The following SNAP91 variants were observed in gnomAD, a reference collection of about 807,000 sequenced individuals.
SNAP91 encodes the protein clathrin coat assembly protein AP180.
Under a neutral mutation model 100.3 loss-of-function variants are expected in SNAP91, and 27 were observed. The observed-to-expected ratio is 0.27, with a 90% CI of 0.20 to 0.37. The LOEUF is 0.37. SNAP91 is among the 10% of genes least tolerant of loss of function. SNAP91 has a pLI of 1.00. For missense variants in SNAP91, 986 were observed against 1,123.7 expected, an observed-to-expected ratio of 0.88 and a Z score of 1.75; for synonymous variants, 404 against 398.6, an observed-to-expected ratio of 1.01 and a Z score of -0.16.
chr6:83,681,103 A>G (rs533857157), intron 2 of SNAP91, among the ~76,000 whole-genome samples: 1 of 152,192 alleles, frequency 6.6e-6, no homozygotes, highest in South Asian at 2.1e-4. Flanking sequence ...TGAAGGGGTT[A>G]TGATTCAAAA....
intron 8 of SNAP91, among the ~76,000 whole-genome samples, chr6:83,627,628 T>G (rs1248337556): frequency 2.0e-5 from 3 of 152,058 alleles, no homozygotes; most frequent in Admixed American, 2.0e-4. Context: ...GATTTCTACT[T>G]TGTGTTCATA....
intron 24 of SNAP91, among the ~76,000 whole-genome samples, chr6:83,578,471 C>T (rs1822986552): frequency 6.6e-6 from 1 of 152,076 alleles, no homozygotes; most frequent in South Asian, 2.1e-4. Context: ...TAATGGTGAG[C>T]ATCTTTTCAT....
intron 8 of SNAP91, among the ~76,000 whole-genome samples, chr6:83,624,352 A>G (rs1338492448): frequency 6.6e-6 from 1 of 152,180 alleles, no homozygotes; most frequent in East Asian, 1.9e-4. Flanking sequence ...TTATATAAAT[A>G]ATGAAATTGA....
At chr6:83,645,423 A>G (rs1348992221) in intron 7 of SNAP91, among the ~76,000 whole-genome samples, 2 of 152,166 alleles carry the variant, frequency 1.3e-5, no homozygotes, top group Non-Finnish European at 2.9e-5. Flanking sequence ...ACCTACATTG[A>G]ACATCATTAT....
intron 22 of SNAP91, among the ~76,000 whole-genome samples, chr6:83,589,042 A>C (rs1273118511): frequency 6.6e-6 from 1 of 152,204 alleles, no homozygotes; most frequent in Non-Finnish European, 1.5e-5. Flanking sequence ...TTTTAATCTT[A>C]ATTATAACTT....
In SNAP91 at chr6:83,553,940, T is replaced by C. The variant is rs1774064763; in HGVS notation, c.*356A>G. On this transcript the variant is annotated 3_prime_UTR_variant, in exon 30 of 30. Coordinates refer to ENST00000369694, the MANE Select transcript of SNAP91 (RefSeq NM_001242792.2). ...CAAAAGTTATATGTACATTGAAACC[T>C]TCAAAAACACAGACGTCTTTCCAAA... 1 of 152,414 alleles carries C rather than the reference T, an allele frequency of 6.6e-6. No individual in the cohort carries two copies. The highest frequency in any genetic ancestry group is 1.5e-5 in the Non-Finnish European group (1 of 68,124). 9.4% of individuals were successfully genotyped at this position (152,414 alleles called of 1,614,324 possible). A position where few individuals can be genotyped will look rare whatever the true frequency, so the allele number is the denominator to read the frequency against.
rs1368439371 is a variant in SNAP91, at chr6:83,580,533, G to A, written c.2216C>T (p.Ser739Leu). The A allele has an allele frequency of 1.9e-6, 3 of 1,613,784 alleles. No individual in the cohort carries two copies. Among genetic ancestry groups the A allele is most frequent in the South Asian group, 1.1e-5 (1 of 91,054 alleles). The change falls in exon 24 of 30, where the codon TCA becomes TTA. Residue 739 changes from serine to leucine, a missense_variant. Physicochemically the swap from Ser to Leu is moderately radical, Grantham distance 145. This residue lies in a region of SNAP91 where 575 missense variants were observed against 579.9 expected (regional missense o/e 0.99). Transcript: ENST00000369694. ...CATTGCAGGACTGGGTGGTACCATT[G>A]AGACAGGTGCAGGCTGCCCAGCTGG... ...MAPAGQPAPV[S>L]MVPPSPAMAA...
chr6:83,697,915 A>G (rs1036648989), intron 2 of SNAP91, among the ~76,000 whole-genome samples: 2 of 152,160 alleles, frequency 1.3e-5, no homozygotes, highest in Non-Finnish European at 2.9e-5. Flanking sequence ...CAAAGAAACT[A>G]CAGACTAGAG....
intron 26 of SNAP91, among the ~76,000 whole-genome samples, chr6:83,572,073 C>T (rs186998092): frequency 1.1e-4 from 16 of 152,234 alleles, no homozygotes; most frequent in Admixed American, 8.5e-4. Flanking sequence ...ACCTCTTTTT[C>T]TTGTAAATTG....
At chr6:83,671,579 A>G (rs1318004315) in intron 2 of SNAP91, among the ~76,000 whole-genome samples, 1 of 152,050 alleles carries the variant, frequency 6.6e-6, no homozygotes, top group Non-Finnish European at 1.5e-5. Flanking sequence ...TCTTGCCACA[A>G]AGTATCAGTC....
At chr6:83,575,446 A>T (rs1324792989) in intron 25 of SNAP91, 1 of 303,006 alleles carries the variant, frequency 3.3e-6, no homozygotes, top group African/African-American at 2.3e-5. Context: ...TATCATATAT[A>T]CTGTACACTT....
Position 83,580,418 on chromosome 6 carries a change from TAAAGAA to T in SNAP91, c.2299+26_2299+31del, listed in dbSNP as rs752148099. ...AAAAACAATTCACATATGCTTCAGT[TAAAGAA>T]AAAAAAAAAAAACTAGATTACTCAC... On this transcript the variant is annotated intron_variant, in intron 24 of 29. Transcript: ENST00000369694. 1.2e-3 allele frequency: 1,683 copies of T among 1,439,536 alleles called. 1 individual carries two copies. The highest frequency in any genetic ancestry group is 2.8e-3 in the South Asian group (211 of 75,222). 89.2% of individuals were successfully genotyped at this position (1,439,536 alleles called of 1,614,324 possible).
At chr6:83,655,910 G>T (rs1204547308) in intron 7 of SNAP91, among the ~76,000 whole-genome samples, 1 of 152,094 alleles carries the variant, frequency 6.6e-6, no homozygotes, top group African/African-American at 2.4e-5. Flanking sequence ...ATTCAAATTT[G>T]GTTTAGAGAT....
At chr6:83,555,613 T>C (rs1776655863) in intron 29 of SNAP91, among the ~76,000 whole-genome samples, 1 of 152,322 alleles carries the variant, frequency 6.6e-6, no homozygotes, top group Non-Finnish European at 1.5e-5. Context: ...AACTTCAGCA[T>C]GAGTCATTTC....
intron 2 of SNAP91, among the ~76,000 whole-genome samples, chr6:83,694,154 A>C (rs2099165153): frequency 6.6e-6 from 1 of 152,234 alleles, no homozygotes; most frequent in Non-Finnish European, 1.5e-5. Context: ...CTGTGTATTC[A>C]CATCCCATTT....
intron 24 of SNAP91, among the ~76,000 whole-genome samples, chr6:83,577,088 A>T (rs1820089363): frequency 6.6e-6 from 1 of 152,156 alleles, no homozygotes. Flanking sequence ...AAGGGGTAGG[A>T]TAAACATGGG....
At chr6:83,569,679 T>C (rs554382229) in intron 26 of SNAP91, among the ~76,000 whole-genome samples, 5 of 152,288 alleles carry the variant, frequency 3.3e-5, no homozygotes, top group Admixed American at 3.3e-4. Flanking sequence ...TTCCCATGTG[T>C]TGTGGGAGGG....
chr6:83,653,142 G>A (rs1345622953), intron 7 of SNAP91, among the ~76,000 whole-genome samples: 1 of 152,008 alleles, frequency 6.6e-6, no homozygotes, highest in East Asian at 1.9e-4. Context: ...ATTAATTTGG[G>A]AAAATTCTCT....
intron 16 of SNAP91, among the ~76,000 whole-genome samples, chr6:83,600,043 C>T (rs2094982463): frequency 6.6e-6 from 1 of 152,126 alleles, no homozygotes; most frequent in Non-Finnish European, 1.5e-5. Flanking sequence ...CTTGGCCTCC[C>T]AAAGTACTAG....
Sources: gnomAD v4.1 joint callset for allele counts (sites outside exome capture counted in the v4.1 genomes callset) on GRCh38, gnomAD v4.1.1 for gene constraint, gnomAD v4.1.1 regional missense constraint, MANE v1.5 for transcripts, NCBI Gene and HGNC (gene_info 2026-07-23, HGNC 2026-07-21) for gene names.